Variants in CKAP2L observed in about 807,000 individuals in gnomAD.
CKAP2L encodes the protein cytoskeleton associated protein 2L, also known as cytoskeleton-associated protein 2-like.
A neutral mutation model predicts 65.7 loss-of-function variants in CKAP2L; 42 were observed. The ratio of observed to expected loss-of-function variants is 0.64; its 90% CI spans 0.50 to 0.83. The LOEUF (loss-of-function observed/expected upper bound fraction) is 0.83. CKAP2L is among the 40% of genes least tolerant of loss of function. CKAP2L has a pLI of 0.00. For missense variants in CKAP2L, 908 were observed against 871.0 expected (o/e 1.04, Z -0.53); for synonymous variants, 325 against 313.5 (o/e 1.04, Z -0.39).
intron 5 of CKAP2L, among the ~76,000 whole-genome samples, chr2:112,749,168 G>A (rs1237053494): frequency 1.3e-5 from 2 of 152,120 alleles, no homozygotes; most frequent in African/African-American, 4.8e-5. Flanking sequence ...GCATTTATAT[G>A]AGACATACCT....
Position 112,738,622 on chromosome 2 carries a change from CA to C in CKAP2L, c.*200del, listed in dbSNP as rs1679564871. ...AAATTTATGTATACTGTAAAACTGGCAAACTGGTCTTAAACACATAAAGCAA... is the reference window on the plus strand; with the variant it reads ...AAATTTATGTATACTGTAAAACTGGCAACTGGTCTTAAACACATAAAGCAA... On this transcript the variant is annotated 3_prime_UTR_variant, in exon 9 of 9. Coordinates refer to ENST00000302450, the MANE Select transcript of CKAP2L (RefSeq NM_152515.5). 1.7e-6 allele frequency: 1 copy of C among 576,150 alleles called. No individual in the cohort carries two copies. The highest frequency in any genetic ancestry group is 3.2e-5 in the Admixed American group (1 of 31,482). The allele number at this position is 576,150 out of a possible 1,614,324, so 35.7% of individuals were successfully genotyped here.
chr2:112,746,963 G>A (rs1047905661), intron 5 of CKAP2L, among the ~76,000 whole-genome samples: 19 of 152,100 alleles, frequency 1.2e-4, no homozygotes, highest in African/African-American at 4.3e-4. Context: ...CTAATTTTTT[G>A]TATTTTTAGT....
Position 112,746,633 on chromosome 2 carries a change from TCTC to T in CKAP2L, c.1603-61_1603-59del, listed in dbSNP as rs1433236166. The T allele has an allele frequency of 5.4e-6, 7 of 1,286,808 alleles. No homozygotes were observed. The South Asian group carries it at 6.9e-5, about 13-fold the overall frequency. The allele number at this position is 1,286,808 out of a possible 1,614,324, so 79.7% of individuals were successfully genotyped here. A position where few individuals can be genotyped will look rare whatever the true frequency, so the allele number is the denominator to read the frequency against. ...TTACCATTTCACTGTTAGTCTCACA[TCTC>T]CTAATATTTATTACAGCAGGTATGC... On this transcript the variant is annotated intron_variant, in intron 5 of 8. Coordinates refer to ENST00000302450, the MANE Select transcript of CKAP2L (RefSeq NM_152515.5).
At chr2:112,753,824 T>C (rs1225527194) in intron 4 of CKAP2L, among the ~76,000 whole-genome samples, 1 of 152,128 alleles carries the variant, frequency 6.6e-6, no homozygotes, top group Non-Finnish European at 1.5e-5. Flanking sequence ...CATTGTACCC[T>C]GCCTCCTTGA....
chr2:112,755,314 A>C (rs1448709947), intron 4 of CKAP2L, among the ~76,000 whole-genome samples: 1 of 152,130 alleles, frequency 6.6e-6, no homozygotes, highest in East Asian at 1.9e-4. Context: ...CTAATTTTGT[A>C]TTTTTAGTAA....
intron 4 of CKAP2L, among the ~76,000 whole-genome samples, chr2:112,753,904 C>T (rs1458829304): frequency 6.6e-6 from 1 of 152,132 alleles, no homozygotes; most frequent in Non-Finnish European, 1.5e-5. Flanking sequence ...AATGACACCT[C>T]CATGAAGACG....
Position 112,764,549 on chromosome 2 carries a change from C to G in CKAP2L, c.37+13G>C, listed in dbSNP as rs1680842204. 1.9e-6 allele frequency: 3 copies of G among 1,613,854 alleles called. No individual in the cohort carries two copies. Among genetic ancestry groups the G allele is most frequent in the Non-Finnish European group, 2.5e-6 (3 of 1,179,824 alleles). On this transcript the variant is annotated intron_variant, in intron 1 of 8. Transcript: ENST00000302450. The stretch of plus-strand genomic sequence containing the variant: ...CAACGCCTGAGAATAACGGGAACAG[C>G]GGTCGTACTCACCGACAGCGGCAGC...
At chr2:112,760,501 T>C (rs1276838475) in intron 3 of CKAP2L, among the ~76,000 whole-genome samples, 1 of 152,218 alleles carries the variant, frequency 6.6e-6, no homozygotes, top group Non-Finnish European at 1.5e-5. Flanking sequence ...TAAAGTTCAC[T>C]TGAGGCTTTT....
chr2:112,755,569 T>C (rs560693747), intron 4 of CKAP2L, among the ~76,000 whole-genome samples: 1 of 152,280 alleles, frequency 6.6e-6, no homozygotes, highest in East Asian at 1.9e-4. Context: ...TTTTCTGAAC[T>C]TAACCACTGG....
intron 4 of CKAP2L, among the ~76,000 whole-genome samples, chr2:112,754,997 TTTAC>T (rs1680487251): frequency 6.6e-6 from 1 of 152,228 alleles, no homozygotes. Flanking sequence ...AATTAAGTTG[TTTAC>T]TTACTGTCTC....
intron 8 of CKAP2L, among the ~76,000 whole-genome samples, chr2:112,739,795 C>T (rs565130672): frequency 6.6e-6 from 1 of 152,120 alleles, no homozygotes; most frequent in African/African-American, 2.4e-5. Flanking sequence ...GGTGGGAGCA[C>T]AAACGTATGC....
rs1266338281 is a variant in CKAP2L at position 112,756,726 on chromosome 2, A to G, written c.645T>C (p.Asn215=). ...TAGGAACTAAACTGTTCTTGGTTTG[A>G]TTATAAGAGTCAGTCTTTGGCTTAC... ...TRSKPKTDSY[N]QTKNSLVPKQ... The change falls in exon 4 of 9, where the codon AAT becomes AAC. Residue 215 remains asparagine, a synonymous_variant. Transcript: ENST00000302450. 5 of 1,595,582 alleles carry G rather than the reference A, an allele frequency of 3.1e-6. No homozygotes were observed. Among genetic ancestry groups the G allele is most frequent in the African/African-American group, 1.4e-5 (1 of 73,622 alleles).
intron 7 of CKAP2L, among the ~76,000 whole-genome samples, chr2:112,741,807 C>A (rs1385182337): frequency 1.3e-5 from 2 of 152,056 alleles, no homozygotes; most frequent in Admixed American, 1.3e-4. Context: ...GTTGTCCAGG[C>A]TGGAGTGCAG....
At chr2:112,764,409 C>G (rs1437738794) in intron 1 of CKAP2L, among the ~76,000 whole-genome samples, 153 bp downstream of exon 1, 1 of 152,176 alleles carries the variant, frequency 6.6e-6, no homozygotes, top group Admixed American at 6.5e-5. Flanking sequence ...ACCTGGGGGT[C>G]CCGTCTGCGC....
chr2:112,744,943 AT>A (rs1483567109), intron 6 of CKAP2L, among the ~76,000 whole-genome samples: 1 of 152,216 alleles, frequency 6.6e-6, no homozygotes, highest in African/African-American at 2.4e-5. Flanking sequence ...CAAACAAACA[AT>A]AACAAGAGAG....
chr2:112,756,580 C>T lies in CKAP2L; in HGVS notation c.791G>A (p.Gly264Glu), dbSNP rs1680545416. The change falls in exon 4 of 9, where the codon GGA becomes GAA. Residue 264 changes from glycine to glutamate, a missense_variant. Physicochemically the swap from Gly to Glu is moderately conservative, Grantham distance 98 (BLOSUM62 -2). Transcript: ENST00000302450. ...TACTCCTGGTCTTGCAAGATCTGCT[C>T]CTCTAGAGAGTTGCTGTGATTTTAC... ...FPVKSQQLSR[G>E]ADLARPGVKP... 2 of 1,613,096 alleles carry T rather than the reference C, an allele frequency of 1.2e-6. No individual in the cohort carries two copies. The highest frequency in any genetic ancestry group is 4.5e-5 in the East Asian group (2 of 44,880).
Position 112,756,333 on chromosome 2 carries a change from G to A in CKAP2L, c.1038C>T (p.Asn346=). 2.0e-5 allele frequency: 33 copies of A among 1,613,684 alleles called. No individual in the cohort carries two copies. Among genetic ancestry groups the A allele is most frequent in the Non-Finnish European group, 2.6e-5 (31 of 1,179,788 alleles). Residue 346 remains asparagine, a synonymous_variant, in exon 4 of 9, where the codon AAC becomes AAT. Transcript: ENST00000302450. ...GATCTTGCTTGATGTTTGGATGTCT[G>A]TTGTTATATTCACCCTGAAGCAAAC... is the stretch of plus-strand genomic sequence containing the variant. ...YPSLLQGEYN[N]RHPNIKQDQK...
chr2:112,758,071 C>T (rs758763568), intron 3 of CKAP2L, among the ~76,000 whole-genome samples: 7 of 152,208 alleles, frequency 4.6e-5, no homozygotes, highest in Non-Finnish European at 1.0e-4. Flanking sequence ...GCTGCCACAG[C>T]TCTCAATAAA....
intron 6 of CKAP2L, among the ~76,000 whole-genome samples, chr2:112,743,858 T>C (rs1001661883): frequency 5.9e-5 from 9 of 152,192 alleles, no homozygotes; most frequent in African/African-American, 2.2e-4. Context: ...TCTGATAAAA[T>C]TATCTGAGAT....
Sources: gnomAD v4.1 joint callset for allele counts (sites outside exome capture counted in the v4.1 genomes callset) on GRCh38, gnomAD v4.1.1 for gene constraint, MANE v1.5 for transcripts, NCBI Gene and HGNC (gene_info 2026-07-23, HGNC 2026-07-21) for gene names.